The following PID1 variants were observed in gnomAD, a reference collection of about 807,000 sequenced individuals.
The protein encoded by PID1 is phosphotyrosine interaction domain containing 1, also known as PTB-containing, cubilin and LRP1-interacting protein.
A neutral mutation model predicts 19.1 loss-of-function variants in PID1; 10 were observed. The ratio of observed to expected loss-of-function variants is 0.52; its 90% confidence interval spans 0.32 to 0.89. The LOEUF (loss-of-function observed/expected upper bound fraction) is 0.89. PID1 is among the 40% of genes least tolerant of loss of function. PID1 has a pLI of 0.03. For synonymous variants in PID1, 130 were observed against 116.0 expected, an observed-to-expected ratio of 1.12 and a Z score of -0.78; for missense variants, 248 against 285.3, an observed-to-expected ratio of 0.87 and a Z score of 0.94.
At chr2:229,254,686 T>G (rs1221165344) in intron 1 of PID1, among the ~76,000 whole-genome samples, 3 of 152,184 alleles carry the variant, frequency 2.0e-5, no homozygotes, top group Non-Finnish European at 1.5e-5. Flanking sequence ...GTTCAAGGGG[T>G]TTTATGTTTA....
intron 2 of PID1, among the ~76,000 whole-genome samples, chr2:229,138,301 C>T (rs945639383): frequency 6.6e-6 from 1 of 152,154 alleles, no homozygotes; most frequent in African/African-American, 2.4e-5. Context: ...ACACTCAGTG[C>T]TTATAAAAAT....
chr2:229,055,787 T>A (rs577460247), intron 2 of PID1, among the ~76,000 whole-genome samples: 3 of 152,364 alleles, frequency 2.0e-5, no homozygotes, highest in African/African-American at 7.2e-5. Context: ...TTGAACATTC[T>A]TCGGCATACA....
At chr2:229,076,596 A>AG (rs1452110627) in intron 2 of PID1, among the ~76,000 whole-genome samples, 2 of 151,816 alleles carry the variant, frequency 1.3e-5, no homozygotes, top group Admixed American at 6.6e-5. Flanking sequence ...CCCTGTGCCC[A>AG]TATGTTCTCA....
At chr2:229,066,162 T>C (rs1291713111) in intron 2 of PID1, among the ~76,000 whole-genome samples, 48 of 151,948 alleles carry the variant, frequency 3.2e-4, no homozygotes, top group Non-Finnish European at 1.5e-5. Context: ...ATGAGCACAA[T>C]AGGAGCCAGC....
chr2:229,213,592 C>T (rs1691783958), intron 1 of PID1, among the ~76,000 whole-genome samples: 1 of 152,202 alleles, frequency 6.6e-6, no homozygotes, highest in South Asian at 2.1e-4. Context: ...AGCAGTTTCT[C>T]AGTCAATAAC....
intron 2 of PID1, among the ~76,000 whole-genome samples, chr2:229,143,692 G>A (rs1202820310): frequency 2.0e-5 from 3 of 152,246 alleles, no homozygotes; most frequent in Non-Finnish European, 2.9e-5. Context: ...GGGACCTAGT[G>A]TGAGGTGACT....
intron 1 of PID1, among the ~76,000 whole-genome samples, chr2:229,254,446 C>T (rs1228094809): frequency 6.6e-6 from 1 of 152,172 alleles, no homozygotes; most frequent in Non-Finnish European, 1.5e-5. Context: ...TAAAGAACCA[C>T]ATGATAAATT....
chr2:229,229,202 C>G (rs564651212), intron 1 of PID1, among the ~76,000 whole-genome samples: 1 of 152,088 alleles, frequency 6.6e-6, no homozygotes, highest in Non-Finnish European at 1.5e-5. Flanking sequence ...TAAAGTCCAC[C>G]CTTGGCTCTA....
intron 2 of PID1, among the ~76,000 whole-genome samples, chr2:229,137,946 A>G (rs1689889757): frequency 6.6e-6 from 1 of 152,210 alleles, no homozygotes; most frequent in African/African-American, 2.4e-5. Context: ...CCTACGTAGA[A>G]CAGGTGAAGA....
At chr2:229,066,125 C>A (rs904613896) in intron 2 of PID1, among the ~76,000 whole-genome samples, 1 of 152,090 alleles carries the variant, frequency 6.6e-6, no homozygotes, top group Non-Finnish European at 1.5e-5. Context: ...AAACAACCAA[C>A]CAACCAAACA....
At chr2:229,163,613 T>C (rs544776756) in intron 1 of PID1, among the ~76,000 whole-genome samples, 1 of 146,972 alleles carries the variant, frequency 6.8e-6, no homozygotes, top group Non-Finnish European at 1.5e-5. Flanking sequence ...AAGGGCTCAC[T>C]TACTCAGTGG....
intron 1 of PID1, among the ~76,000 whole-genome samples, chr2:229,249,799 G>T (rs1194548639): frequency 6.6e-6 from 1 of 150,570 alleles, no homozygotes; most frequent in African/African-American, 2.5e-5. Flanking sequence ...ACAGGAGTAT[G>T]ATCCCCTGGG....
At chr2:229,040,378 GGGGAAGT>G (rs1693747613) in intron 2 of PID1, among the ~76,000 whole-genome samples, 1 of 152,078 alleles carries the variant, frequency 6.6e-6, no homozygotes, top group African/African-American at 2.4e-5. Flanking sequence ...TAAGCAAGTA[GGGGAAGT>G]GAAAGTGTAT....
At chr2:229,264,992 T>C (rs1181875503) in intron 1 of PID1, among the ~76,000 whole-genome samples, 1 of 152,218 alleles carries the variant, frequency 6.6e-6, no homozygotes, top group Non-Finnish European at 1.5e-5. Context: ...GCACCTACTA[T>C]ACGCTACATA....
At chr2:229,196,637 C>T (rs1691384423) in intron 1 of PID1, among the ~76,000 whole-genome samples, 2 of 152,006 alleles carry the variant, frequency 1.3e-5, no homozygotes, top group African/African-American at 4.8e-5. Context: ...TGTCATATCG[C>T]TTATGAAACT....
chr2:229,025,673 AG>A lies in PID1; in HGVS notation c.612del (p.Ser205ProfsTer15). ...TCCAATTCCTGGGAAACCTCTTCGG[AG>A]GAGCTGTTGCTGTGGATCCGCCCGT... Reference protein sequence around the residue: ...KSDGRIHSNSSSEEVSQELES... With the variant: ...KSDGRIHSNSXSEEVSQELES... On this transcript the variant is annotated frameshift_variant, in exon 3 of 3. Transcript: ENST00000392055. LOFTEE classifies it high-confidence loss of function. 6.2e-7 allele frequency: 1 copy of A among 1,613,306 alleles called. No individual in the cohort carries two copies. The highest frequency in any genetic ancestry group is 8.5e-7 in the Non-Finnish European group (1 of 1,179,300).
intron 1 of PID1, among the ~76,000 whole-genome samples, chr2:229,175,296 G>A (rs1329045716): frequency 1.3e-5 from 2 of 151,646 alleles, no homozygotes; most frequent in African/African-American, 4.9e-5. Context: ...ACCACAGTCT[G>A]AATCAAGCTC....
At chr2:229,131,522 T>C (rs1391957635) in intron 2 of PID1, among the ~76,000 whole-genome samples, 2 of 152,208 alleles carry the variant, frequency 1.3e-5, no homozygotes, top group African/African-American at 4.8e-5. Context: ...TGAGCCACCA[T>C]GGCCAGCCAC....
Position 229,182,705 on chromosome 2 carries a change from A to C in PID1, c.31-26741T>G, listed in dbSNP as rs540906941. ...TCATCATGACAGTTCCCTTTCATAC[A>C]CTACACTTTGATTGACTACTTCATC... On this transcript the variant is annotated intron_variant, in intron 1 of 2. Transcript: ENST00000392055. Among the ~76,000 whole-genome samples, 4 of 152,236 alleles carry C rather than the reference A, an allele frequency of 2.6e-5. No homozygotes were observed. In the East Asian group the frequency reaches 7.7e-4, roughly 29 times the overall value.
Sources: allele counts gnomAD v4.1 joint callset (sites outside exome capture counted in the v4.1 genomes callset), GRCh38; gene constraint gnomAD v4.1.1; transcripts MANE v1.5; gene names NCBI Gene and HGNC (gene_info 2026-07-23, HGNC 2026-07-21).